Variants in CDH13 observed in about 807,000 individuals in gnomAD.
CDH13 encodes cadherin-13.
In CDH13, 24 loss-of-function variants were observed where a neutral mutation model predicts 63.8. The ratio of observed to expected loss-of-function variants is 0.38; its 90% CI spans 0.27 to 0.53. CDH13 has a LOEUF of 0.53. Among genes scored for constraint, CDH13 ranks in the 20% least tolerant of loss-of-function variants. The probability of loss-of-function intolerance (pLI) is 0.85; values close to 1 mark genes in which losing one functional copy is unlikely to be tolerated. For synonymous variants in CDH13, 503 were observed against 355.3 expected (o/e 1.42, Z -4.67); for missense variants, 1,049 against 903.1 (o/e 1.16, Z -2.07).
intron 1 of CDH13, among the ~76,000 whole-genome samples, chr16:82,847,802 A>G (rs1268815676): frequency 1.3e-5 from 2 of 152,206 alleles, no homozygotes; most frequent in Non-Finnish European, 2.9e-5. Context: ...ACCAAAAGCC[A>G]GAGAAATCAC....
intron 7 of CDH13, among the ~76,000 whole-genome samples, chr16:83,504,358 C>G (rs1467852144): frequency 6.6e-6 from 1 of 152,180 alleles, no homozygotes; most frequent in African/African-American, 2.4e-5. Context: ...ATCTGCTGTG[C>G]ATGAAGCATT....
intron 3 of CDH13, among the ~76,000 whole-genome samples, chr16:83,061,296 A>G (rs2031528062): frequency 6.6e-6 from 1 of 152,204 alleles, no homozygotes; most frequent in Non-Finnish European, 1.5e-5. Flanking sequence ...ATGGTAGACA[A>G]TTGAGGCTGT....
intron 7 of CDH13, among the ~76,000 whole-genome samples, chr16:83,524,516 G>A (rs1014170493): frequency 1.3e-4 from 17 of 127,478 alleles, no homozygotes; most frequent in Non-Finnish European, 2.5e-4. Flanking sequence ...GCAGTGGCGC[G>A]CTCTCGGCTT....
intron 6 of CDH13, among the ~76,000 whole-genome samples, chr16:83,422,962 C>G (rs538583357): frequency 1.3e-5 from 2 of 152,062 alleles, no homozygotes; most frequent in Admixed American, 1.3e-4. Context: ...AACACTATGC[C>G]AAATACTAGG....
At chr16:82,937,590 A>T (rs1409267731) in intron 2 of CDH13, among the ~76,000 whole-genome samples, 1 of 152,242 alleles carries the variant, frequency 6.6e-6, no homozygotes, top group Admixed American at 6.5e-5. Flanking sequence ...GACTGAATGA[A>T]TAAACATGTA....
chr16:83,079,351 T>C (rs1020150647), intron 3 of CDH13, among the ~76,000 whole-genome samples: 1 of 152,222 alleles, frequency 6.6e-6, no homozygotes. Flanking sequence ...TTCTCTGTTA[T>C]GATAACTTTG....
At chr16:83,187,818 C>A (rs546272150) in intron 4 of CDH13, among the ~76,000 whole-genome samples, 1 of 152,074 alleles carries the variant, frequency 6.6e-6, no homozygotes, top group East Asian at 1.9e-4. Context: ...TATGATAGGT[C>A]CTGATAGGGG....
intron 3 of CDH13, among the ~76,000 whole-genome samples, chr16:83,037,812 A>T (rs966128450): frequency 6.6e-6 from 1 of 152,166 alleles, no homozygotes; most frequent in Non-Finnish European, 1.5e-5. Flanking sequence ...TGGGCAAGTG[A>T]CTCAATTATC....
At chr16:83,615,940 G>T (rs1157785407) in intron 8 of CDH13, among the ~76,000 whole-genome samples, 2 of 152,158 alleles carry the variant, frequency 1.3e-5, no homozygotes, top group African/African-American at 4.8e-5. Flanking sequence ...CCTGCACCAA[G>T]ACCATAGGAA....
chr16:82,790,208 A>T (rs940210399), intron 1 of CDH13, among the ~76,000 whole-genome samples: 2 of 152,076 alleles, frequency 1.3e-5, no homozygotes, highest in African/African-American at 4.8e-5. Context: ...AGGCCGAGGC[A>T]GGCAGATCAT....
At chr16:83,265,584 GT>G (rs527328289) in intron 5 of CDH13, among the ~76,000 whole-genome samples, 1 of 151,194 alleles carries the variant, frequency 6.6e-6, no homozygotes, top group Non-Finnish European at 1.5e-5. Context: ...AATTTTAATG[GT>G]TTTTTTTGTT....
rs1303332993 is a variant in CDH13, at chr16:83,670,901, G to A, written c.1213G>A (p.Gly405Arg). Residue 405 changes from glycine (G) to arginine (R), a missense_variant, in exon 9 of 14, where the codon GGA becomes AGA. Physicochemically the swap from Gly to Arg is moderately radical, Grantham distance 125. Coordinates refer to ENST00000567109, the MANE Select transcript of CDH13 (RefSeq NM_001257.5). ...AWRAAYTIIN[G>R]NPGQSFEIHT... ...GAGGGCTGCCTACACCATCATCAACGGAAACCCCGGGCAGAGCTTTGAAAT... is the reference window on the plus strand; with the variant it reads ...GAGGGCTGCCTACACCATCATCAACAGAAACCCCGGGCAGAGCTTTGAAAT... The A allele has an allele frequency of 8.1e-6, 13 of 1,613,160 alleles. No homozygotes were observed. Among genetic ancestry groups the A allele is most frequent in the African/African-American group, 1.3e-5 (1 of 74,874 alleles).
intron 7 of CDH13, among the ~76,000 whole-genome samples, chr16:83,535,728 G>T (rs193069006): frequency 0.016 from 2,364 of 151,898 alleles, 51 homozygotes; most frequent in African/African-American, 0.04. Flanking sequence ...TTTTTGGAGT[G>T]TCATGAATAT....
At chr16:83,144,402 TA>T (rs1411674012) in intron 4 of CDH13, among the ~76,000 whole-genome samples, 1 of 152,170 alleles carries the variant, frequency 6.6e-6, no homozygotes, top group Non-Finnish European at 1.5e-5. Flanking sequence ...AAAATAAAAA[TA>T]AATAAGAAGC....
chr16:83,756,154 G>A (rs1913490071), intron 11 of CDH13, among the ~76,000 whole-genome samples: 1 of 151,536 alleles, frequency 6.6e-6, no homozygotes, highest in Non-Finnish European at 1.5e-5. Context: ...GAAGGAAATA[G>A]GTTTGACTAA....
At chr16:83,763,492 G>A (rs1363680879) in intron 11 of CDH13, among the ~76,000 whole-genome samples, 2 of 152,142 alleles carry the variant, frequency 1.3e-5, no homozygotes, top group African/African-American at 4.8e-5. Context: ...GAGGGTGGGA[G>A]GGGCTCTGAA....
intron 4 of CDH13, among the ~76,000 whole-genome samples, chr16:83,191,653 G>T (rs1343290495): frequency 6.6e-6 from 1 of 151,108 alleles, no homozygotes; most frequent in African/African-American, 2.4e-5. Flanking sequence ...TGAGGAGCAA[G>T]GGAGCCAGTC....
chr16:83,142,350 T>A (rs1474303929), intron 4 of CDH13, among the ~76,000 whole-genome samples: 1 of 151,804 alleles, frequency 6.6e-6, no homozygotes, highest in Non-Finnish European at 1.5e-5. Flanking sequence ...TTAGCAGAGG[T>A]GGGGTTTTGC....
At position 82,970,046 on chromosome 16, in the gene CDH13, T is replaced by G. The variant is rs143882306; in HGVS notation, c.158-61964T>G. Among the ~76,000 whole-genome samples the G allele has an allele frequency of 7.5e-3, 1,141 of 152,172 alleles. 14 individuals are homozygous for G. The highest frequency in any genetic ancestry group is 0.026 in the African/African-American group (1,076 of 41,496). On this transcript the variant is annotated intron_variant, in intron 2 of 13. Coordinates refer to ENST00000567109, the MANE Select transcript of CDH13 (RefSeq NM_001257.5). ...GTGGTTTGCTGCATCTGTCAATCCG[T>G]CATCTACATTAGGTATTTCTCCTAA...
Sources: allele counts gnomAD v4.1 joint callset (sites outside exome capture counted in the v4.1 genomes callset), GRCh38; gene constraint gnomAD v4.1.1; transcripts MANE v1.5; gene names NCBI Gene and HGNC (gene_info 2026-07-23, HGNC 2026-07-21).